The following DCLK1 variants were observed in gnomAD, a reference collection of about 807,000 sequenced individuals.
DCLK1 encodes serine/threonine-protein kinase DCLK1.
In DCLK1, 16 loss-of-function variants were observed where a neutral mutation model predicts 86.2. That is an observed-to-expected ratio of 0.19 (90% CI 0.13 to 0.28). The LOEUF is 0.28. Ranked by LOEUF, DCLK1 falls within the 10% of genes least tolerant of loss-of-function variation. The pLI is 1.00. For missense variants in DCLK1, 590 were observed against 940.2 expected (o/e 0.63, Z 4.87); for synonymous variants, 369 against 370.5 (o/e 1.00, Z 0.05).
chr13:36,012,554 C>T (rs1454139210), intron 3 of DCLK1, among the ~76,000 whole-genome samples: 2 of 143,288 alleles, frequency 1.4e-5, no homozygotes, highest in Non-Finnish European at 3.1e-5. Flanking sequence ...TGAATATTGG[C>T]CCCCACTCTC....
At chr13:35,917,211 C>A (rs752474150) in intron 4 of DCLK1, among the ~76,000 whole-genome samples, 3 of 152,182 alleles carry the variant, frequency 2.0e-5, no homozygotes, top group Non-Finnish European at 4.4e-5. Context: ...TCGTGTCACA[C>A]GAAGCTCATA....
At chr13:36,128,413 T>C (rs945496416) in intron 1 of DCLK1, among the ~76,000 whole-genome samples, 2 of 152,196 alleles carry the variant, frequency 1.3e-5, no homozygotes, top group Non-Finnish European at 2.9e-5. Flanking sequence ...TTCCATCCCT[T>C]GCTCCTTTGA....
intron 3 of DCLK1, among the ~76,000 whole-genome samples, chr13:36,023,043 G>A (rs1327532493): frequency 6.6e-6 from 1 of 152,106 alleles, no homozygotes; most frequent in Non-Finnish European, 1.5e-5. Flanking sequence ...AAAAAGGAGT[G>A]TATACCATTA....
At chr13:36,058,965 A>C (rs1340347446) in intron 3 of DCLK1, among the ~76,000 whole-genome samples, 1 of 152,202 alleles carries the variant, frequency 6.6e-6, no homozygotes, top group Non-Finnish European at 1.5e-5. Context: ...TCGTGGCCAA[A>C]GAGAGTAGCT....
chr13:35,890,977 C>T (rs527780149), intron 4 of DCLK1, among the ~76,000 whole-genome samples: 2 of 151,510 alleles, frequency 1.3e-5, no homozygotes, highest in Admixed American at 1.3e-4. Flanking sequence ...CAGCACTTTC[C>T]CTTTGTCTCC....
At chr13:35,936,909 T>C (rs1208060323) in intron 4 of DCLK1, among the ~76,000 whole-genome samples, 1 of 151,446 alleles carries the variant, frequency 6.6e-6, no homozygotes, top group Non-Finnish European at 1.5e-5. Flanking sequence ...GAGCAGAATG[T>C]TCCCAGTGAG....
intron 6 of DCLK1, among the ~76,000 whole-genome samples, chr13:35,843,988 T>C (rs1870001059): frequency 6.6e-6 from 1 of 152,036 alleles, no homozygotes; most frequent in Non-Finnish European, 1.5e-5. Flanking sequence ...GAATTCTATA[T>C]GATACAGAAA....
intron 3 of DCLK1, among the ~76,000 whole-genome samples, chr13:36,092,527 C>A (rs1308015934): frequency 7.0e-6 from 1 of 143,066 alleles, no homozygotes; most frequent in African/African-American, 2.6e-5. Context: ...CACTCTGTCG[C>A]CCAGGCTGGA....
At chr13:36,065,811 G>A (rs1335439105) in intron 3 of DCLK1, among the ~76,000 whole-genome samples, 1 of 152,096 alleles carries the variant, frequency 6.6e-6, no homozygotes, top group Non-Finnish European at 1.5e-5. Flanking sequence ...ACATGATATT[G>A]TAAAATGGAA....
intron 5 of DCLK1, among the ~76,000 whole-genome samples, chr13:35,861,169 A>G (rs1053015685): frequency 1.3e-5 from 2 of 152,228 alleles, no homozygotes; most frequent in African/African-American, 4.8e-5. Context: ...GCATCACCAT[A>G]GGGAGAATGG....
At chr13:35,796,588 C>A (rs546868181) in intron 15 of DCLK1, among the ~76,000 whole-genome samples, 1 of 152,234 alleles carries the variant, frequency 6.6e-6, no homozygotes, top group Non-Finnish European at 1.5e-5. Flanking sequence ...CTCTTTCCTC[C>A]TCAAACTTCA....
intron 3 of DCLK1, among the ~76,000 whole-genome samples, chr13:36,032,510 T>C (rs1273987900): frequency 2.6e-5 from 4 of 152,238 alleles, no homozygotes; most frequent in African/African-American, 9.6e-5. Context: ...TTGAGATTCA[T>C]GCCATGCCAT....
chr13:36,024,788 C>T (rs12864772), intron 3 of DCLK1, among the ~76,000 whole-genome samples: 34,660 of 151,522 alleles, frequency 0.23, 4,562 homozygotes, highest in Non-Finnish European at 0.3. Flanking sequence ...AAAACAATCC[C>T]GAGAAAGAAG....
chr13:35,868,171 T>C (rs1251608118), intron 5 of DCLK1, among the ~76,000 whole-genome samples: 2 of 151,698 alleles, frequency 1.3e-5, no homozygotes, highest in Admixed American at 6.6e-5. Flanking sequence ...TACAGGCGCC[T>C]GCCACCACGC....
intron 3 of DCLK1, among the ~76,000 whole-genome samples, chr13:35,988,897 C>G (rs1476053397): frequency 6.6e-6 from 1 of 152,062 alleles, no homozygotes; most frequent in Admixed American, 6.5e-5. Flanking sequence ...TGAATCTTTG[C>G]GGCCGCCCAA....
intron 3 of DCLK1, among the ~76,000 whole-genome samples, chr13:35,983,361 T>C (rs1310973699): frequency 2.0e-5 from 3 of 152,098 alleles, no homozygotes; most frequent in African/African-American, 7.2e-5. Flanking sequence ...GTGGAGCATG[T>C]TAATCTCTGG....
At chr13:35,947,998 A>C (rs1877475872) in intron 3 of DCLK1, among the ~76,000 whole-genome samples, 1 of 152,248 alleles carries the variant, frequency 6.6e-6, no homozygotes, top group African/African-American at 2.4e-5. Context: ...GCTTAGGCTT[A>C]GAGAGATTAT....
At chr13:36,117,386 T>C (rs571597032) in intron 2 of DCLK1, among the ~76,000 whole-genome samples, 5 of 152,310 alleles carry the variant, frequency 3.3e-5, no homozygotes, top group Non-Finnish European at 7.4e-5. Context: ...TAAGATGTAC[T>C]CTTGTACCTA....
intron 16 of DCLK1, among the ~76,000 whole-genome samples, chr13:35,781,894 T>C (rs1301481545): frequency 2.0e-5 from 3 of 152,206 alleles, no homozygotes; most frequent in Non-Finnish European, 4.4e-5. Context: ...GACAAATCGA[T>C]TGAAATATCC....
Sources: allele counts gnomAD v4.1 joint callset (sites outside exome capture counted in the v4.1 genomes callset), GRCh38; gene constraint gnomAD v4.1.1; transcripts MANE v1.5; gene names NCBI Gene and HGNC (gene_info 2026-07-23, HGNC 2026-07-21).